CA5B: variants seen among roughly 807,000 people sequenced by gnomAD.
CA5B encodes the protein carbonic anhydrase 5B, mitochondrial.
CA5B carries 15 observed loss-of-function variants against 23.1 expected under a neutral mutation model. The ratio of observed to expected loss-of-function variants is 0.65; its 90% CI spans 0.43 to 1.00. The LOEUF is 1.00. Among genes scored for constraint, CA5B ranks in the 50% least tolerant of loss-of-function variants. The pLI is 0.00. For missense variants in CA5B, 236 were observed against 252.2 expected (o/e 0.94, Z 0.43); for synonymous variants, 84 against 98.5 (o/e 0.85, Z 0.87).
chrX:15,763,683 G>C, intron 2 of CA5B, among the ~76,000 whole-genome samples: 1 of 112,497 alleles, frequency 8.9e-6, no homozygotes, highest in Non-Finnish European at 1.9e-5. Flanking sequence ...GAATTTATTA[G>C]TGGAAATTGC....
At chrX:15,769,605 A>G in intron 3 of CA5B, 1 of 753,425 alleles carries the variant, frequency 1.3e-6, no homozygotes, top group African/African-American at 2.3e-5. Context: ...TGAACCTAGT[A>G]AGAATGCTTT....
chrX:15,756,994 G>T (rs1293560269), intron 2 of CA5B, among the ~76,000 whole-genome samples: 1 of 106,286 alleles, frequency 9.4e-6, no homozygotes, highest in Non-Finnish European at 1.9e-5. Context: ...GGCAGAGCTT[G>T]CAGTGAGCCG....
At position 15,768,016 on chromosome X, in the gene CA5B, A is replaced by G. The variant is rs770049746; in HGVS notation, c.340+3241A>G. ...TGGCTTCAGGCAATTATCCCGCCTCAGCCTCCTGAGTAGCTGGGATTACAG... is the reference window on the plus strand; with the variant it reads ...TGGCTTCAGGCAATTATCCCGCCTCGGCCTCCTGAGTAGCTGGGATTACAG... On this transcript the variant is annotated intron_variant, in intron 3 of 7. Transcript: ENST00000318636. 2.9e-5 allele frequency among the ~76,000 whole-genome samples: 3 copies of G among 104,484 alleles called. No homozygotes were observed. In the Admixed American group the frequency reaches 3.2e-4, roughly 11 times the overall value. The allele number at this position is 104,484 out of a possible 115,157, so 90.7% of individuals were successfully genotyped here.
At chrX:15,755,354 A>G (rs971630735) in intron 2 of CA5B, among the ~76,000 whole-genome samples, 2 of 111,882 alleles carry the variant, frequency 1.8e-5, no homozygotes, top group East Asian at 5.6e-4. Flanking sequence ...TAATGGACTC[A>G]GCATCCAAGT....
chrX:15,748,999 G>C (rs1416854734), intron 1 of CA5B, among the ~76,000 whole-genome samples: 1 of 112,245 alleles, frequency 8.9e-6, no homozygotes, highest in Non-Finnish European at 1.9e-5. Flanking sequence ...GTGAGGCCGA[G>C]ATCTTAGCAG....
At chrX:15,758,065 C>T (rs776236985) in intron 2 of CA5B, among the ~76,000 whole-genome samples, 2 of 111,161 alleles carry the variant, frequency 1.8e-5, no homozygotes, top group Non-Finnish European at 3.8e-5. Flanking sequence ...TGAACTAGGC[C>T]GCTGTTCTGG....
chrX:15,775,738 T>G (rs150850648), intron 6 of CA5B: 29 of 751,986 alleles, frequency 3.9e-5, no homozygotes, highest in Middle Eastern at 7.5e-4. Context: ...AGTCCCCCAA[T>G]ATTAATTCTT....
intron 1 of CA5B, among the ~76,000 whole-genome samples, chrX:15,746,022 CTTTTTTTTTTTTTT>C (rs11304971): frequency 7.5e-5 from 4 of 53,407 alleles, no homozygotes; most frequent in Admixed American, 2.7e-4. Flanking sequence ...GCGTCAACTT[CTTTTTTTTTTTTTT>C]TTTTTTTTTT....
intron 3 of CA5B, among the ~76,000 whole-genome samples, chrX:15,767,904 T>C (rs1490315942): frequency 2.4e-5 from 2 of 83,696 alleles, no homozygotes; most frequent in Non-Finnish European, 4.7e-5. Flanking sequence ...GGCCTTTTTT[T>C]TTTTTTTTTT....
chrX:15,758,045 G>T (rs1014756619), intron 2 of CA5B, among the ~76,000 whole-genome samples: 1 of 111,578 alleles, frequency 9.0e-6, no homozygotes, highest in African/African-American at 3.3e-5. Context: ...AAGTCTGGGG[G>T]TTAGGGTTCT....
chrX:15,761,557 C>T (rs776592380), intron 2 of CA5B, among the ~76,000 whole-genome samples: 1 of 112,478 alleles, frequency 8.9e-6, no homozygotes, highest in South Asian at 3.6e-4. Context: ...AGAAAAAAAC[C>T]CAGAACATTG....
Position 15,751,974 on chromosome X carries a change from C to T in CA5B, c.142+1809C>T, listed in dbSNP as rs373094120. Among the ~76,000 whole-genome samples, 64 of 111,212 alleles carry T rather than the reference C, an allele frequency of 5.8e-4. No homozygotes were observed. The East Asian group carries it at 9.0e-3, about 16-fold the overall frequency. ...GATTCTTGAGGGTTTGAAAAGATAACGTGTTAATGAAAAAAGCCAAATTCT... is the reference window on the plus strand; with the variant it reads ...GATTCTTGAGGGTTTGAAAAGATAATGTGTTAATGAAAAAAGCCAAATTCT... On this transcript the variant is annotated intron_variant, in intron 2 of 7. Coordinates refer to ENST00000318636, the MANE Select transcript of CA5B (RefSeq NM_007220.4).
At chrX:15,743,298 A>G (rs1235224408) in intron 1 of CA5B, among the ~76,000 whole-genome samples, 2 of 112,348 alleles carry the variant, frequency 1.8e-5, no homozygotes, top group African/African-American at 6.5e-5. Context: ...ATTTAAAAAT[A>G]TAATACCCTC....
intron 1 of CA5B, among the ~76,000 whole-genome samples, chrX:15,739,818 G>T (rs1419788459): frequency 1.8e-5 from 2 of 111,871 alleles, no homozygotes; most frequent in African/African-American, 6.5e-5. Flanking sequence ...AGCTTTCTCA[G>T]TCAAGATATC....
intron 2 of CA5B, among the ~76,000 whole-genome samples, chrX:15,752,671 G>C (rs1931394872): frequency 9.1e-6 from 1 of 109,736 alleles, no homozygotes; most frequent in African/African-American, 3.3e-5. Flanking sequence ...CTTGCAGTGA[G>C]CCGAGATCGC....
intron 5 of CA5B, among the ~76,000 whole-genome samples, chrX:15,774,806 C>G (rs771113679): frequency 1.8e-5 from 2 of 111,407 alleles, no homozygotes; most frequent in South Asian, 3.8e-4. Context: ...CCACTGCACT[C>G]CAGCCTGGGC....
At chrX:15,772,925 C>T (rs1377513614) in intron 4 of CA5B, among the ~76,000 whole-genome samples, 1 of 111,393 alleles carries the variant, frequency 9.0e-6, no homozygotes, top group Non-Finnish European at 1.9e-5. Context: ...TGCAAGTTTG[C>T]GGTGGTGGGA....
Position 15,773,661 on chromosome X carries a change from G to A in CA5B, c.460-641G>A, listed in dbSNP as rs183844487. 1.3e-3 allele frequency among the ~76,000 whole-genome samples: 139 copies of A among 109,926 alleles called. 1 individual carries two copies. The highest frequency in any genetic ancestry group is 2.3e-3 in the Non-Finnish European group (121 of 52,711). ...CCTGACCTTGTGATCCACCCACCTC[G>A]GCCTCCCAAAGTGCTGGGATTACAG... On this transcript the variant is annotated intron_variant, in intron 4 of 7. Coordinates refer to ENST00000318636, the MANE Select transcript of CA5B (RefSeq NM_007220.4).
intron 4 of CA5B, among the ~76,000 whole-genome samples, chrX:15,774,067 T>C (rs1183729761): frequency 8.9e-6 from 1 of 112,431 alleles, no homozygotes; most frequent in Non-Finnish European, 1.9e-5. Flanking sequence ...ATGAATTTTC[T>C]ATTTTTCTCC....
Sources: gnomAD v4.1 joint callset for allele counts (sites outside exome capture counted in the v4.1 genomes callset) on GRCh38, gnomAD v4.1.1 for gene constraint, MANE v1.5 for transcripts, NCBI Gene and HGNC (gene_info 2026-07-23, HGNC 2026-07-21) for gene names.